Variants in OR1J2 observed in about 807,000 individuals in gnomAD.
OR1J2 encodes the protein olfactory receptor family 1 subfamily J member 2.
For missense variants in OR1J2, 304 were observed against 246.1 expected, an observed-to-expected ratio of 1.24 and a Z score of -1.57; for synonymous variants, 142 against 99.7, an observed-to-expected ratio of 1.42 and a Z score of -2.52.
At chr9:122,549,460 T>C in the OR1J2 span, among the ~76,000 whole-genome samples, 1 of 152,168 alleles carries the variant, frequency 6.6e-6, no homozygotes, top group Non-Finnish European at 1.5e-5. Context: ...GGGGAGTTTT[T>C]CCTCAGTTTT....
At chr9:122,524,134 A>C in the OR1J2 span, among the ~76,000 whole-genome samples, 1 of 152,214 alleles carries the variant, frequency 6.6e-6, no homozygotes, top group African/African-American at 2.4e-5. Flanking sequence ...CAAGCTCATA[A>C]TGGAACTGAA....
chr9:122,534,775 G>T, the OR1J2 span, among the ~76,000 whole-genome samples: 7 of 152,232 alleles, frequency 4.6e-5, no homozygotes, highest in African/African-American at 1.2e-4. Context: ...GATTTCGGAC[G>T]ATTTGCATTG....
the OR1J2 span, among the ~76,000 whole-genome samples, chr9:122,459,520 T>C: frequency 6.6e-6 from 1 of 152,218 alleles, no homozygotes; most frequent in Non-Finnish European, 1.5e-5. Context: ...CAGTGAACTC[T>C]GTTTCTAAGC....
At chr9:122,459,249 A>G in the OR1J2 span, among the ~76,000 whole-genome samples, 1 of 152,192 alleles carries the variant, frequency 6.6e-6, no homozygotes, top group Non-Finnish European at 1.5e-5. Flanking sequence ...TGCTGCAATA[A>G]ACATGGGAGG....
the OR1J2 span, among the ~76,000 whole-genome samples, chr9:122,533,171 G>T: frequency 6.6e-6 from 1 of 152,122 alleles, no homozygotes; most frequent in African/African-American, 2.4e-5. Flanking sequence ...GAGGATAGGA[G>T]AGTATATGGG....
At chr9:122,534,721 C>G in the OR1J2 span, among the ~76,000 whole-genome samples, 107 of 152,094 alleles carry the variant, frequency 7.0e-4, no homozygotes, top group African/African-American at 2.5e-3. Context: ...CTCAGCGATG[C>G]TTGGGGTTGG....
the OR1J2 span, among the ~76,000 whole-genome samples, chr9:122,537,466 G>A: frequency 6.6e-6 from 1 of 152,100 alleles, no homozygotes; most frequent in Non-Finnish European, 1.5e-5. Context: ...ATATGAGAGG[G>A]TCTCTCTCTT....
chr9:122,510,990 C>G lies in OR1J2; in HGVS notation c.189C>G (p.Leu63=). 6.2e-7 allele frequency: 1 copy of G among 1,610,198 alleles called. No homozygotes were observed. The highest frequency in any genetic ancestry group is 1.1e-5 in the South Asian group (1 of 90,860). ...SHLHTPMYFF[L]SHLALTDISF... ...TTCACACCCCCATGTACTTCTTCCTCAGCCACTTGGCTCTCACTGACATCT... is the reference window on the plus strand; with the variant it reads ...TTCACACCCCCATGTACTTCTTCCTGAGCCACTTGGCTCTCACTGACATCT... Residue 63 remains leucine, a synonymous_variant, in exon 1 of 1, where the codon CTC becomes CTG. Transcript: ENST00000335302.
chr9:122,531,942 G>C, the OR1J2 span, among the ~76,000 whole-genome samples: 2 of 152,258 alleles, frequency 1.3e-5, no homozygotes, highest in East Asian at 1.9e-4. Context: ...TTCCTGACTC[G>C]GGGCATGTTG....
the OR1J2 span, among the ~76,000 whole-genome samples, chr9:122,521,809 C>T: frequency 6.6e-6 from 1 of 152,176 alleles, no homozygotes; most frequent in Non-Finnish European, 1.5e-5. Context: ...TTGTTCAGAT[C>T]CCTGAAGATC....
upstream of OR1J2, among the ~76,000 whole-genome samples, chr9:122,505,947 T>G (rs1227389233): frequency 3.9e-5 from 6 of 152,172 alleles, no homozygotes; most frequent in Non-Finnish European, 8.8e-5. Context: ...AGTTTGTCAA[T>G]GAAACAATAA....
At chr9:122,553,660 T>C in the OR1J2 span, 1 of 1,614,150 alleles carries the variant, frequency 6.2e-7, no homozygotes, top group Non-Finnish European at 8.5e-7. Flanking sequence ...ATGCTGGGTG[T>C]GTGCTGGGTG....
At chr9:122,465,364 T>A in the OR1J2 span, among the ~76,000 whole-genome samples, 2 of 152,356 alleles carry the variant, frequency 1.3e-5, no homozygotes, top group Admixed American at 1.3e-4. Flanking sequence ...GCTTTTCTTT[T>A]GCTCTCAAGA....
chr9:122,549,202 G>A, the OR1J2 span, among the ~76,000 whole-genome samples: 1 of 152,058 alleles, frequency 6.6e-6, no homozygotes, highest in Admixed American at 6.6e-5. Context: ...ATGAGTCCAT[G>A]TGAAAGCTGG....
downstream of OR1J2, among the ~76,000 whole-genome samples, chr9:122,513,622 T>A (rs1828665862): frequency 6.6e-6 from 1 of 152,106 alleles, no homozygotes; most frequent in Non-Finnish European, 1.5e-5. Context: ...GTTTGCTGCA[T>A]GTATCAACCG....
chr9:122,515,767 C>T (rs1262332006), downstream of OR1J2, among the ~76,000 whole-genome samples: 1 of 152,144 alleles, frequency 6.6e-6, no homozygotes, highest in East Asian at 1.9e-4. Context: ...TGGGTCCTTT[C>T]TTCTTTTGTG....
the OR1J2 span, among the ~76,000 whole-genome samples, chr9:122,531,321 A>T: frequency 2.0e-5 from 3 of 152,158 alleles, no homozygotes; most frequent in Non-Finnish European, 2.9e-5. Context: ...CGGTTTGGGG[A>T]TAGCACCAGG....
At chr9:122,512,307 G>GT (rs1564184096), downstream of OR1J2, among the ~76,000 whole-genome samples, 1 of 152,110 alleles carries the variant, frequency 6.6e-6, no homozygotes, top group African/African-American at 2.4e-5. Flanking sequence ...AGAATGAAAA[G>GT]TAACACTTCT....
the OR1J2 span, among the ~76,000 whole-genome samples, chr9:122,562,156 T>C: frequency 1.3e-5 from 2 of 152,202 alleles, no homozygotes; most frequent in African/African-American, 2.4e-5. Context: ...GTGGGGAATA[T>C]TTCTTGCCAC....
Sources: allele counts gnomAD v4.1 joint callset (sites outside exome capture counted in the v4.1 genomes callset), GRCh38; gene constraint gnomAD v4.1.1; transcripts MANE v1.5; gene names NCBI Gene and HGNC (gene_info 2026-07-23, HGNC 2026-07-21).